Variants in CARNMT1 observed in about 807,000 individuals in gnomAD.
CARNMT1 encodes the protein protein-L-histidine N-pros-methyltransferase CARNMT1.
In CARNMT1, 28 loss-of-function variants were observed where a neutral mutation model predicts 49.6. The ratio of observed to expected loss-of-function variants is 0.56; its 90% CI spans 0.42 to 0.77. The LOEUF is 0.77. CARNMT1 is among the 30% of genes least tolerant of loss of function. CARNMT1 has a pLI of 0.00. For missense variants in CARNMT1, 421 were observed against 512.6 expected, an observed-to-expected ratio of 0.82 and a Z score of 1.73; for synonymous variants, 178 against 175.0, an observed-to-expected ratio of 1.02 and a Z score of -0.13.
chr9:75,011,390 G>A (rs1356386959), intron 3 of CARNMT1, among the ~76,000 whole-genome samples: 2 of 151,998 alleles, frequency 1.3e-5, no homozygotes, highest in African/African-American at 4.8e-5. Flanking sequence ...TATTATTATT[G>A]AGACAGGGTC....
At chr9:75,026,189 T>G (rs1439719069) in intron 1 of CARNMT1, among the ~76,000 whole-genome samples, 1 of 152,154 alleles carries the variant, frequency 6.6e-6, no homozygotes, top group East Asian at 1.9e-4. Context: ...AACATTACGC[T>G]GGTAAAGAAG....
At chr9:75,017,007 A>G (rs1395628330) in intron 2 of CARNMT1, 1 of 462,680 alleles carries the variant, frequency 2.2e-6, no homozygotes, top group Non-Finnish European at 3.8e-6. Context: ...ATTCCAAAAC[A>G]GAACATTATG....
At chr9:75,021,874 G>T (rs1822373543) in intron 1 of CARNMT1, among the ~76,000 whole-genome samples, 1 of 152,040 alleles carries the variant, frequency 6.6e-6, no homozygotes, top group Non-Finnish European at 1.5e-5. Flanking sequence ...GAAAGTCAAG[G>T]GGGCAGCGAG....
chr9:75,012,896 C>T (rs1008612194), intron 3 of CARNMT1, among the ~76,000 whole-genome samples: 3 of 148,658 alleles, frequency 2.0e-5, no homozygotes, highest in Non-Finnish European at 4.4e-5. Flanking sequence ...CCAGCCTGGG[C>T]GACTGAGCAA....
At chr9:74,990,735 C>T (rs1832985670) in intron 6 of CARNMT1, among the ~76,000 whole-genome samples, 1 of 152,128 alleles carries the variant, frequency 6.6e-6, no homozygotes, top group Non-Finnish European at 1.5e-5. Context: ...CTTGGAATAT[C>T]TGGTTGTTTC....
At chr9:74,985,534 T>C (rs1832809563) in intron 6 of CARNMT1, among the ~76,000 whole-genome samples, 1 of 152,120 alleles carries the variant, frequency 6.6e-6, no homozygotes, top group Non-Finnish European at 1.5e-5. Flanking sequence ...CATCTAATAA[T>C]TGTGTGTCTG....
chr9:74,994,414 G>C (rs1833125907), intron 6 of CARNMT1, among the ~76,000 whole-genome samples: 1 of 152,204 alleles, frequency 6.6e-6, no homozygotes, highest in Non-Finnish European at 1.5e-5. Context: ...TGGGAGGCAT[G>C]GAATCATTTT....
chr9:74,982,205 G>A lies in CARNMT1; in HGVS notation c.*1562C>T, dbSNP rs1017320241. 3 of 152,056 alleles carry A rather than the reference G, an allele frequency of 2.0e-5. No homozygotes were observed. The highest frequency in any genetic ancestry group is 4.4e-5 in the Non-Finnish European group (3 of 67,992). 9.4% of individuals were successfully genotyped at this position (152,056 alleles called of 1,614,324 possible). ...CTCCCCAGCCTAAGTGACAACAAAG[G>A]TCTAAAGATTTACAAGTAACTTTTC... On this transcript the variant is annotated 3_prime_UTR_variant, in exon 8 of 8. Coordinates refer to ENST00000376834, the MANE Select transcript of CARNMT1 (RefSeq NM_152420.3).
intron 6 of CARNMT1, among the ~76,000 whole-genome samples, chr9:74,995,308 C>G (rs1833154376): frequency 6.6e-6 from 1 of 152,134 alleles, no homozygotes; most frequent in South Asian, 2.1e-4. Flanking sequence ...GTCTCTTCAA[C>G]TATAACATAG....
At chr9:74,987,055 T>C (rs115436757) in intron 6 of CARNMT1, among the ~76,000 whole-genome samples, 1,630 of 152,346 alleles carry the variant, frequency 0.011, 34 homozygotes, top group African/African-American at 0.038. Flanking sequence ...CTTACAAAGA[T>C]GTTTCTTGAA....
intron 7 of CARNMT1, among the ~76,000 whole-genome samples, chr9:74,984,267 G>A (rs1010443587): frequency 6.6e-6 from 1 of 152,138 alleles, no homozygotes; most frequent in African/African-American, 2.4e-5. Flanking sequence ...AGGACATATT[G>A]TGAATATCCC....
chr9:75,027,238 C>A, intron 1 of CARNMT1: 2 of 938,270 alleles, frequency 2.1e-6, no homozygotes, highest in South Asian at 3.0e-5. Context: ...CTAGAAGAAA[C>A]GTGGAAGTTA....
intron 6 of CARNMT1, among the ~76,000 whole-genome samples, chr9:74,985,653 T>A (rs1014449905): frequency 6.6e-6 from 1 of 152,092 alleles, no homozygotes; most frequent in African/African-American, 2.4e-5. Context: ...GATCTGGGCT[T>A]ACTGCAACCT....
At position 74,982,516 on chromosome 9, in the gene CARNMT1, CA is replaced by C. The variant is rs754849350; in HGVS notation, c.*1250del. ...CATATACTGTTTAAGCTCCATCTAT[CA>C]GGGAACAAAATTGGTATTAATCTGA... On this transcript the variant is annotated 3_prime_UTR_variant, in exon 8 of 8. Transcript: ENST00000376834. 1.3e-5 allele frequency: 2 copies of C among 152,176 alleles called. No individual in the cohort carries two copies. The highest frequency in any genetic ancestry group is 2.9e-5 in the Non-Finnish European group (2 of 68,028). 9.4% of individuals were successfully genotyped at this position (152,176 alleles called of 1,614,324 possible).
chr9:75,000,673 A>T (rs918832710), intron 3 of CARNMT1, among the ~76,000 whole-genome samples: 4 of 152,212 alleles, frequency 2.6e-5, no homozygotes, highest in Non-Finnish European at 5.9e-5. Context: ...AAATGTATAC[A>T]ATCAGCTAAT....
In CARNMT1 at chr9:75,027,972, C is replaced by T. The variant is rs919417227; in HGVS notation, c.230+40G>A. On this transcript the variant is annotated intron_variant, in intron 1 of 7. Coordinates refer to ENST00000376834, the MANE Select transcript of CARNMT1 (RefSeq NM_152420.3). ...GCGGGTCCGCCGCCACCAGTGGGCG[C>T]CCCGACGGTCTGGGCCGGGGTCCGC... 3.3e-6 allele frequency: 5 copies of T among 1,520,956 alleles called. No individual in the cohort carries two copies. The African/African-American group carries it at 4.3e-5, about 13-fold the overall frequency. The allele number at this position is 1,520,956 out of a possible 1,614,324, so 94.2% of individuals were successfully genotyped here.
chr9:75,008,168 T>TAAAAAAA (rs71368697), intron 3 of CARNMT1, among the ~76,000 whole-genome samples: 2 of 48,718 alleles, frequency 4.1e-5, no homozygotes, highest in African/African-American at 1.0e-4. Flanking sequence ...GCTGATGAGC[T>TAAAAAAA]AAAAAAAAAA....
chr9:74,985,105 T>G, intron 6 of CARNMT1, 95 bp from the exon 7 acceptor site: 1 of 908,120 alleles, frequency 1.1e-6, no homozygotes, highest in Non-Finnish European at 1.7e-6. Flanking sequence ...AGGTACTGGA[T>G]GAGACAAACA....
At chr9:74,985,042 A>C (rs772253946) in intron 6 of CARNMT1, 32 bp from the exon 7 acceptor site, 1 of 1,439,108 alleles carries the variant, frequency 6.9e-7, no homozygotes, top group Non-Finnish European at 9.8e-7. Flanking sequence ...AATTACTTGA[A>C]TATAAACATA....
Sources: gnomAD v4.1 joint callset for allele counts (sites outside exome capture counted in the v4.1 genomes callset) on GRCh38, gnomAD v4.1.1 for gene constraint, MANE v1.5 for transcripts, NCBI Gene and HGNC (gene_info 2026-07-23, HGNC 2026-07-21) for gene names.